The following PCDHA3 variants were observed in gnomAD, a reference collection of about 807,000 sequenced individuals.
The protein encoded by PCDHA3 is protocadherin alpha 3.
In PCDHA3, 41 loss-of-function variants were observed where a neutral mutation model predicts 62.2. That is an observed-to-expected ratio of 0.66 (90% confidence interval 0.51 to 0.86). PCDHA3 has a LOEUF of 0.86. PCDHA3 is among the 40% of genes least tolerant of loss of function. The pLI, the probability that PCDHA3 is intolerant of heterozygous loss-of-function variation, is 0.00. For missense variants in PCDHA3, 1,304 were observed against 1,241.2 expected (o/e 1.05, Z -0.76); for synonymous variants, 640 against 555.4 (o/e 1.15, Z -2.14).
rs2150158198 is a variant in PCDHA3 at position 140,828,717 on chromosome 5, A to C, written c.2394+25126A>C. On this transcript the variant is annotated intron_variant, in intron 1 of 3. Coordinates refer to ENST00000522353, the MANE Select transcript of PCDHA3 (RefSeq NM_018906.3). The stretch of plus-strand genomic sequence containing the variant: ...GACAGAGAGGAAGCTCCTGCACACA[A>C]CTTATTCCTGACAGCCACAGATGGG... 5.6e-6 allele frequency: 9 copies of C among 1,614,108 alleles called. No homozygotes were observed. In the South Asian group the frequency reaches 7.7e-5, roughly 14 times the overall value.
chr5:140,807,240 T>A, intron 1 of PCDHA3: 1 of 1,614,082 alleles, frequency 6.2e-7, no homozygotes, highest in Non-Finnish European at 8.5e-7. Context: ...CTGCTCTTAC[T>A]TCTTCTCCTC....
At chr5:140,819,364 T>C (rs1766546050) in intron 1 of PCDHA3, among the ~76,000 whole-genome samples, 1 of 152,186 alleles carries the variant, frequency 6.6e-6, no homozygotes, top group African/African-American at 2.4e-5. Flanking sequence ...TAAATTTTCT[T>C]GTGTTAGTAT....
intron 1 of PCDHA3, chr5:140,927,527 C>A (rs1554204693): frequency 6.2e-7 from 1 of 1,614,084 alleles, no homozygotes. Flanking sequence ...GGGCTACCTG[C>A]CCGCTCAGGA....
chr5:140,943,257 C>CAAAAA (rs1238620023), intron 1 of PCDHA3, among the ~76,000 whole-genome samples: 3 of 77,348 alleles, frequency 3.9e-5, no homozygotes, highest in Non-Finnish European at 5.0e-5. Context: ...GACTCTGTCT[C>CAAAAA]AAAAAAAAAA....
At chr5:140,898,062 T>G (rs2066502065) in intron 1 of PCDHA3, among the ~76,000 whole-genome samples, 1 of 152,110 alleles carries the variant, frequency 6.6e-6, no homozygotes, top group African/African-American at 2.4e-5. Flanking sequence ...TAAATTTGTT[T>G]GAGTTCATTG....
chr5:140,806,470 T>C (rs1763735748), intron 1 of PCDHA3, among the ~76,000 whole-genome samples: 1 of 152,222 alleles, frequency 6.6e-6, no homozygotes, highest in Non-Finnish European at 1.5e-5. Flanking sequence ...TCCTGCTTCC[T>C]TGCACTTTCA....
chr5:140,823,337 C>G, intron 1 of PCDHA3: 1 of 1,612,260 alleles, frequency 6.2e-7, no homozygotes, highest in Admixed American at 1.7e-5. Flanking sequence ...GCGCTGCAGC[C>G]GCTGGACCAC....
chr5:140,988,119 A>T (rs1238767411), intron 3 of PCDHA3, among the ~76,000 whole-genome samples: 1 of 152,174 alleles, frequency 6.6e-6, no homozygotes, highest in Non-Finnish European at 1.5e-5. Context: ...TTTAGAAAGC[A>T]TGCTGTTCCA....
chr5:140,975,890 T>C (rs542825387), intron 1 of PCDHA3, among the ~76,000 whole-genome samples: 1 of 152,310 alleles, frequency 6.6e-6, no homozygotes, highest in South Asian at 2.1e-4. Flanking sequence ...TTTCCACATA[T>C]GGAGTTTTGT....
chr5:141,009,514 A>T (rs2098410382), intron 3 of PCDHA3, 113 bp from the exon 4 acceptor site: 5 of 1,501,204 alleles, frequency 3.3e-6, no homozygotes, highest in African/African-American at 1.4e-5. Context: ...ACAACTCGTG[A>T]TTTTTCTGGG....
chr5:140,832,994 A>G (rs1435786520), intron 1 of PCDHA3, among the ~76,000 whole-genome samples: 1 of 152,222 alleles, frequency 6.6e-6, no homozygotes, highest in Non-Finnish European at 1.5e-5. Flanking sequence ...GGAATAGTCC[A>G]CTTTGGGTAA....
At chr5:140,890,530 T>G (rs2062685019) in intron 1 of PCDHA3, among the ~76,000 whole-genome samples, 1 of 152,222 alleles carries the variant, frequency 6.6e-6, no homozygotes. Flanking sequence ...TTGTTGATCT[T>G]CTTTTGAAAT....
At chr5:140,903,871 A>G (rs1382306493) in intron 1 of PCDHA3, among the ~76,000 whole-genome samples, 2 of 152,192 alleles carry the variant, frequency 1.3e-5, no homozygotes, top group Non-Finnish European at 2.9e-5. Context: ...GAGTAAAATG[A>G]CAAAGACATT....
intron 1 of PCDHA3, among the ~76,000 whole-genome samples, chr5:140,844,545 C>G (rs979935361): frequency 6.7e-6 from 1 of 149,334 alleles, no homozygotes; most frequent in South Asian, 2.1e-4. Context: ...ACCCTTTGTT[C>G]ATGAGTTGGA....
At chr5:140,857,471 A>T (rs2044616338) in intron 1 of PCDHA3, 1 of 1,598,536 alleles carries the variant, frequency 6.3e-7, no homozygotes, top group Non-Finnish European at 8.6e-7. Context: ...CCACATCTTC[A>T]CGGTGTCTGC....
rs1554122687 is a variant in PCDHA3, at chr5:140,803,290, T to G, written c.2093T>G (p.Val698Gly). 14 of 1,613,920 alleles carry G rather than the reference T, an allele frequency of 8.7e-6. No homozygotes were observed. The highest frequency in any genetic ancestry group is 1.2e-5 in the Non-Finnish European group (14 of 1,179,978). The change falls in exon 1 of 4, where the codon GTG becomes GGG. Residue 698 changes from valine (V) to glycine (G), a missense_variant. Physicochemically the swap from Val to Gly is moderately radical, Grantham distance 109. Transcript: ENST00000522353. ...GPEAALVDVNVYLIVAICAVS... is the reference protein window; with the variant it reads ...GPEAALVDVNGYLIVAICAVS... ...GAAGCTGCACTGGTGGATGTCAACG[T>G]GTACTTGATCGTCGCCATCTGCGCG... is the stretch of plus-strand genomic sequence containing the variant.
At position 140,928,325 on chromosome 5, in the gene PCDHA3, G is replaced by A. The variant is rs1432328240; in HGVS notation, c.2395-50624G>A. 3.1e-6 allele frequency: 5 copies of A among 1,614,020 alleles called. No homozygotes were observed. The African/African-American group carries it at 6.7e-5, about 22-fold the overall frequency. ...CAGGACCCCGACCTGGGGAAGAATGGCCTTGTCTCTTATGAGCTGTTGGAT... is the reference window on the plus strand; with the variant it reads ...CAGGACCCCGACCTGGGGAAGAATGACCTTGTCTCTTATGAGCTGTTGGAT... On this transcript the variant is annotated intron_variant, in intron 1 of 3. Transcript: ENST00000522353.
At chr5:140,835,920 G>C (rs2150248409) in intron 1 of PCDHA3, 2 of 1,612,396 alleles carry the variant, frequency 1.2e-6, no homozygotes, top group Non-Finnish European at 1.7e-6. Flanking sequence ...AGTGCACGCG[G>C]AGAGCGGCAA....
intron 1 of PCDHA3, chr5:140,807,301 G>T (rs1554123853): frequency 1.2e-6 from 2 of 1,614,166 alleles, no homozygotes; most frequent in Non-Finnish European, 8.5e-7. Flanking sequence ...TCTCCGAGGA[G>T]GCCAAACACG....
Sources: gnomAD v4.1 joint callset for allele counts (sites outside exome capture counted in the v4.1 genomes callset) on GRCh38, gnomAD v4.1.1 for gene constraint, MANE v1.5 for transcripts, NCBI Gene and HGNC (gene_info 2026-07-23, HGNC 2026-07-21) for gene names.